Variants in NEMF observed in about 807,000 individuals in gnomAD.
NEMF encodes ribosome quality control complex subunit NEMF.
Under a neutral mutation model 162.2 loss-of-function variants are expected in NEMF, and 89 were observed. That is an observed-to-expected ratio of 0.55 (90% CI 0.46 to 0.65). NEMF has a LOEUF of 0.65. Among genes scored for constraint, NEMF ranks in the 30% least tolerant of loss-of-function variants. NEMF has a pLI of 0.00. For missense variants in NEMF, 1,133 were observed against 1,261.9 expected (o/e 0.90, Z 1.55); for synonymous variants, 421 against 404.5 (o/e 1.04, Z -0.49).
At chr14:49,798,493 T>C (rs910238716) in intron 25 of NEMF, among the ~76,000 whole-genome samples, 1 of 152,242 alleles carries the variant, frequency 6.6e-6, no homozygotes, top group African/African-American at 2.4e-5. Context: ...AGCTTGGTGA[T>C]GGTTTTGTGA....
intron 15 of NEMF, among the ~76,000 whole-genome samples, chr14:49,827,813 C>CA (rs749485902): frequency 0.015 from 1,846 of 124,748 alleles, 40 homozygotes; most frequent in African/African-American, 0.049. Context: ...AACTCCATCG[C>CA]AAAAAAAAAA....
intron 26 of NEMF, among the ~76,000 whole-genome samples, chr14:49,790,259 A>G (rs1374651202): frequency 6.6e-6 from 1 of 152,220 alleles, no homozygotes. Flanking sequence ...AAAAACAGCA[A>G]TCCCCAAAGT....
chr14:49,820,968 C>T (rs1270829422), intron 16 of NEMF, among the ~76,000 whole-genome samples: 2 of 144,160 alleles, frequency 1.4e-5, no homozygotes, highest in African/African-American at 5.1e-5. Context: ...GCCATCCCAT[C>T]TAGGAAGTGA....
chr14:49,803,408 A>T lies in NEMF; in HGVS notation c.1858-114T>A. The T allele has an allele frequency of 1.1e-5, 7 of 621,516 alleles. No individual in the cohort carries two copies. In the South Asian group the frequency reaches 1.9e-4, roughly 17 times the overall value. 38.5% of individuals were successfully genotyped at this position (621,516 alleles called of 1,614,324 possible). Reference sequence around the variant, plus strand: ...AAGTAAGCCACACTGTCTTCTGAAAAGTTTATAATTTCGTACAAATTCTCA... The same window carrying T: ...AAGTAAGCCACACTGTCTTCTGAAATGTTTATAATTTCGTACAAATTCTCA... On this transcript the variant is annotated intron_variant, in intron 19 of 32. Coordinates refer to ENST00000298310, the MANE Select transcript of NEMF (RefSeq NM_004713.6).
At chr14:49,834,536 C>G (rs1263925318) in intron 6 of NEMF, 87 bp from the exon 7 acceptor site, 11 of 944,128 alleles carry the variant, frequency 1.2e-5, no homozygotes, top group Non-Finnish European at 1.8e-5. Flanking sequence ...TACCCGTCGC[C>G]CAGGCCGGAG....
At chr14:49,785,364 C>T in intron 29 of NEMF, 44 bp from the exon 30 acceptor site, 1 of 1,364,818 alleles carries the variant, frequency 7.3e-7, no homozygotes, top group Non-Finnish European at 1.0e-6. Flanking sequence ...TTATACCGCC[C>T]TTTACAAAAA....
intron 4 of NEMF, among the ~76,000 whole-genome samples, chr14:49,845,520 C>T (rs1893456491): frequency 6.6e-6 from 1 of 152,170 alleles, no homozygotes; most frequent in Non-Finnish European, 1.5e-5. Context: ...AACTTTTTAG[C>T]TTTTTGACTC....
chr14:49,788,659 G>A (rs984403255), intron 28 of NEMF, among the ~76,000 whole-genome samples: 24 of 149,212 alleles, frequency 1.6e-4, no homozygotes, highest in African/African-American at 4.7e-4. Flanking sequence ...CCAGGTTCAC[G>A]CTATTCTGCC....
intron 23 of NEMF, 57 bp downstream of exon 23, chr14:49,800,363 A>C: frequency 7.2e-3 from 5,060 of 698,830 alleles, no homozygotes; most frequent in Non-Finnish European, 0.011. Context: ...TGTAAGGATT[A>C]CCTCATCATC....
At chr14:49,808,018 C>T (rs1891302691) in intron 18 of NEMF, among the ~76,000 whole-genome samples, 1 of 152,134 alleles carries the variant, frequency 6.6e-6, no homozygotes, top group African/African-American at 2.4e-5. Flanking sequence ...AAATCTCTTG[C>T]TCATTTTTCA....
intron 5 of NEMF, chr14:49,839,706 C>T (rs1459852378): frequency 2.6e-5 from 4 of 152,170 alleles, no homozygotes; most frequent in African/African-American, 7.2e-5. Context: ...TAACCCAAAA[C>T]TTAGCTAAAA....
intron 26 of NEMF, among the ~76,000 whole-genome samples, chr14:49,795,293 C>A (rs2139841355): frequency 6.8e-6 from 1 of 146,402 alleles, no homozygotes; most frequent in Non-Finnish European, 1.5e-5. Context: ...TGAGCCCTGA[C>A]TGCACCACTG....
At chr14:49,793,657 G>T (rs1041677573) in intron 26 of NEMF, among the ~76,000 whole-genome samples, 4 of 152,024 alleles carry the variant, frequency 2.6e-5, no homozygotes, top group Non-Finnish European at 4.4e-5. Flanking sequence ...ATTTCACATT[G>T]TTGTACACTT....
At position 49,786,720 on chromosome 14, in the gene NEMF, C is replaced by T. The variant is rs1408101630; in HGVS notation, c.2926G>A (p.Glu976Lys). The change falls in exon 29 of 33, where the codon GAG becomes AAG. Residue 976 changes from glutamate (E) to lysine (K), a missense_variant and splice_region_variant. Coordinates refer to ENST00000298310, the MANE Select transcript of NEMF (RefSeq NM_004713.6). ...EEQDLDQQGN[E>K]ENLFDSLTGQ... ...GGAACCCCAACATAAAATCATACCT[C>T]ATTTCCCTGTTGATCCAGATCTTGC... 3.1e-6 allele frequency: 5 copies of T among 1,612,792 alleles called. No homozygotes were observed. In the South Asian group the frequency reaches 4.4e-5, roughly 14 times the overall value.
chr14:49,850,891 T>G (rs777875296), intron 3 of NEMF, among the ~76,000 whole-genome samples: 2 of 152,130 alleles, frequency 1.3e-5, no homozygotes, highest in African/African-American at 4.8e-5. Flanking sequence ...AGGTAACTAA[T>G]GAAAATTATA....
At chr14:49,806,862 A>G (rs979602330) in intron 18 of NEMF, among the ~76,000 whole-genome samples, 2 of 152,196 alleles carry the variant, frequency 1.3e-5, no homozygotes, top group Non-Finnish European at 2.9e-5. Context: ...TTAGATTTCA[A>G]ATATTTTTAA....
chr14:49,821,724 G>A (rs866417353), intron 16 of NEMF, among the ~76,000 whole-genome samples: 2,745 of 148,670 alleles, frequency 0.018, 52 homozygotes, highest in African/African-American at 0.062. Flanking sequence ...GCCCCGTCCA[G>A]GAGGTGAGGG....
chr14:49,831,249 C>A (rs753915685), intron 11 of NEMF, 50 bp downstream of exon 11: 14 of 1,023,252 alleles, frequency 1.4e-5, no homozygotes, highest in Non-Finnish European at 1.8e-5. Context: ...ATCTACCCAT[C>A]AAGCCGCTAA....
chr14:49,808,205 G>GTTT (rs1566667982), intron 18 of NEMF, among the ~76,000 whole-genome samples: 1 of 151,942 alleles, frequency 6.6e-6, no homozygotes, highest in Non-Finnish European at 1.5e-5. Context: ...ACAGAATTTC[G>GTTT]CTCATTGCCC....
Sources: gnomAD v4.1 joint callset for allele counts (sites outside exome capture counted in the v4.1 genomes callset) on GRCh38, gnomAD v4.1.1 for gene constraint, MANE v1.5 for transcripts, NCBI Gene and HGNC (gene_info 2026-07-23, HGNC 2026-07-21) for gene names.